The following ZC3H4 variants were observed in gnomAD, a reference collection of about 807,000 sequenced individuals.
ZC3H4 encodes zinc finger CCCH-type containing 4, also known as zinc finger CCCH domain-containing protein 4.
ZC3H4 carries 13 observed loss-of-function variants against 108.3 expected under a neutral mutation model. The ratio of observed to expected loss-of-function variants is 0.12; its 90% CI spans 0.08 to 0.19. The LOEUF is 0.19. Among genes scored for constraint, ZC3H4 ranks in the 10% least tolerant of loss-of-function variants. ZC3H4 has a pLI of 1.00. For synonymous variants in ZC3H4, 917 were observed against 749.6 expected, an observed-to-expected ratio of 1.22 and a Z score of -3.65; for missense variants, 1,734 against 1,838.8, an observed-to-expected ratio of 0.94 and a Z score of 1.04.
rs117346927 is a variant in ZC3H4, at chr19:47,080,760, G to A, written c.1440+753C>T. 7.3e-3 allele frequency among the ~76,000 whole-genome samples: 1,102 copies of A among 151,756 alleles called. 11 individuals are homozygous for A. Among genetic ancestry groups the A allele is most frequent in the Admixed American group, 0.013 (192 of 15,220 alleles). On this transcript the variant is annotated intron_variant, in intron 11 of 14. Coordinates refer to ENST00000253048, the MANE Select transcript of ZC3H4 (RefSeq NM_015168.2). ...GCTCACTGCAACCTCTGCCTCCTAA[G>A]TAGCTGGGACTACACGCATGTGCCA...
Position 47,094,088 on chromosome 19 carries a change from G to A in ZC3H4, c.382-8C>T. On this transcript the variant is annotated splice_region_variant and splice_polypyrimidine_tract_variant and intron_variant, in intron 3 of 14. Coordinates refer to ENST00000253048, the MANE Select transcript of ZC3H4 (RefSeq NM_015168.2). ...GCTAGAAGAAGCATGGCGCTGTAATGACAGGGGAAGGAGACTCAGCAACCT... is the reference window on the plus strand; with the variant it reads ...GCTAGAAGAAGCATGGCGCTGTAATAACAGGGGAAGGAGACTCAGCAACCT... 1.2e-6 allele frequency: 2 copies of A among 1,613,420 alleles called. No individual in the cohort carries two copies. Among genetic ancestry groups the A allele is most frequent in the Non-Finnish European group, 1.7e-6 (2 of 1,179,344 alleles).
At chr19:47,078,553 C>T (rs1024169374) in intron 11 of ZC3H4, among the ~76,000 whole-genome samples, 3 of 151,504 alleles carry the variant, frequency 2.0e-5, no homozygotes, top group East Asian at 2.0e-4. Context: ...GAGGCCGGGG[C>T]GGGTGGATCA....
At chr19:47,087,269 C>T (rs1255394482) in intron 5 of ZC3H4, among the ~76,000 whole-genome samples, 2 of 149,234 alleles carry the variant, frequency 1.3e-5, no homozygotes, top group African/African-American at 5.0e-5. Flanking sequence ...GAGTGAGACC[C>T]CGTCTCTCAC....
chr19:47,081,668 C>A (rs778363543), intron 10 of ZC3H4, 46 bp from the exon 11 acceptor site: 10 of 1,511,404 alleles, frequency 6.6e-6, no homozygotes, highest in African/African-American at 4.1e-5. Flanking sequence ...AGAACGCCCC[C>A]CTCCCCCACC....
rs763335751 is a variant in ZC3H4 at position 47,069,099 on chromosome 19, A to G, written c.2391T>C (p.Asn797=). 21 of 1,602,736 alleles carry G rather than the reference A, an allele frequency of 1.3e-5. No individual in the cohort carries two copies. Among genetic ancestry groups the G allele is most frequent in the Non-Finnish European group, 1.7e-5 (20 of 1,179,768 alleles). ...LAESSKQDRE[N]EEGDTGNWYS... is the part of the protein sequence containing the mutation. Reference sequence around the variant, plus strand: ...CCTGGGGCGGACACGTGCCTTCCTCATTCTCCCGGTCCTGCTTGCTGCTCT... The same window carrying G: ...CCTGGGGCGGACACGTGCCTTCCTCGTTCTCCCGGTCCTGCTTGCTGCTCT... Residue 797 remains asparagine, a synonymous_variant, in exon 14 of 15, where the codon AAT becomes AAC. Transcript: ENST00000253048.
At chr19:47,088,246 C>A (rs1222949599) in intron 5 of ZC3H4, among the ~76,000 whole-genome samples, 2 of 151,032 alleles carry the variant, frequency 1.3e-5, no homozygotes, top group Non-Finnish European at 3.0e-5. Context: ...GGGAGTAAGG[C>A]ACAAGAATTG....
rs1482304847 is a variant in ZC3H4 at position 47,067,430 on chromosome 19, C to T, written c.2838G>A (p.Gly946=). 1.2e-6 allele frequency: 2 copies of T among 1,603,608 alleles called. No homozygotes were observed. Among genetic ancestry groups the T allele is most frequent in the Admixed American group, 1.7e-5 (1 of 58,846 alleles). ...AVNIPLDPLP[G]HPLRDPRSQL... is the part of the protein sequence containing the mutation. ...GTGACCGTGGGTCCCGCAGAGGGTG[C>T]CCGGGGAGTGGGTCCAGGGGAATGT... The change falls in exon 15 of 15, where the codon GGG becomes GGA. Residue 946 remains glycine (G), a synonymous_variant. Transcript: ENST00000253048. This position sits in a 1 kb window ranked among gnomAD's most constrained non-coding sequence, Gnocchi z 6.4.
In ZC3H4 at chr19:47,066,345, C is replaced by A; in HGVS notation, c.*11G>T. The A allele has an allele frequency of 6.6e-7, 1 of 1,513,344 alleles. No individual in the cohort carries two copies. The highest frequency in any genetic ancestry group is 8.8e-7 in the Non-Finnish European group (1 of 1,131,118). 93.7% of individuals were successfully genotyped at this position (1,513,344 alleles called of 1,614,324 possible). ...AGGAAGGGTGGCTGGAGCCGCAGCT[C>A]TGGCTGGACACTACTGGCAAAAGGG... is the stretch of plus-strand genomic sequence containing the variant. On this transcript the variant is annotated 3_prime_UTR_variant, in exon 15 of 15. Coordinates refer to ENST00000253048, the MANE Select transcript of ZC3H4 (RefSeq NM_015168.2).
intron 5 of ZC3H4, among the ~76,000 whole-genome samples, chr19:47,089,678 C>T (rs557963951): frequency 5.4e-5 from 8 of 148,402 alleles, no homozygotes; most frequent in African/African-American, 1.9e-4. Flanking sequence ...TGACCATGGC[C>T]CAGGTGAAAG....
chr19:47,094,292 G>T, intron 3 of ZC3H4, 97 bp downstream of exon 3: 1 of 1,366,826 alleles, frequency 7.3e-7, no homozygotes, highest in Non-Finnish European at 1.0e-6. Context: ...AAGGCATTAA[G>T]AGTGCCCTCT....
At chr19:47,090,461 G>A (rs966714984) in intron 4 of ZC3H4, among the ~76,000 whole-genome samples, 2 of 152,188 alleles carry the variant, frequency 1.3e-5, no homozygotes, top group African/African-American at 4.8e-5. Flanking sequence ...GAACAAAGGG[G>A]AGAAGAAGGG....
rs780604586 is a variant in ZC3H4 at position 47,072,332 on chromosome 19, C to A, written c.1802+20G>T. 3 of 1,609,290 alleles carry A rather than the reference C, an allele frequency of 1.9e-6. No individual in the cohort carries two copies. The highest frequency in any genetic ancestry group is 2.5e-6 in the Non-Finnish European group (3 of 1,178,096). On this transcript the variant is annotated intron_variant, in intron 12 of 14. Coordinates refer to ENST00000253048, the MANE Select transcript of ZC3H4 (RefSeq NM_015168.2). The surrounding 1 kb of genome is among the most constrained non-coding windows in gnomAD (Gnocchi z 5.6). ...CCAGGACAGCGCCCACTGCCTGTCA[C>A]GGGGGTCCAGGGCACTCACCTCACA...
intron 11 of ZC3H4, among the ~76,000 whole-genome samples, chr19:47,077,515 A>G (rs1268761835): frequency 6.6e-6 from 1 of 151,620 alleles, no homozygotes; most frequent in Non-Finnish European, 1.5e-5. Context: ...AAAAACATAG[A>G]TAAAATGCTA....
At chr19:47,105,697 G>A (rs2057959789) in intron 2 of ZC3H4, among the ~76,000 whole-genome samples, 2 of 152,186 alleles carry the variant, frequency 1.3e-5, no homozygotes, top group Admixed American at 6.5e-5. Context: ...CCCTAGCCTG[G>A]ATGCAACGGC....
At chr19:47,110,298 G>T (rs541189562) in intron 2 of ZC3H4, among the ~76,000 whole-genome samples, 3 of 152,256 alleles carry the variant, frequency 2.0e-5, no homozygotes, top group African/African-American at 7.2e-5. Flanking sequence ...TGGACTTGAA[G>T]TATCCACTTT....
chr19:47,102,739 G>A (rs2057918927), intron 2 of ZC3H4, among the ~76,000 whole-genome samples: 1 of 150,950 alleles, frequency 6.6e-6, no homozygotes, highest in South Asian at 2.1e-4. Flanking sequence ...TAGAGAATAA[G>A]GGCTCATGGA....
At chr19:47,078,854 G>A (rs1034276110) in intron 11 of ZC3H4, among the ~76,000 whole-genome samples, 2 of 151,832 alleles carry the variant, frequency 1.3e-5, no homozygotes, top group South Asian at 2.1e-4. Context: ...GTGAAACTCC[G>A]TCTCAAAAAC....
Position 47,112,469 on chromosome 19 carries a change from G to A in ZC3H4, c.116C>T (p.Ala39Val). ...PPPCSPDARPATPHLLHHRLP... is the reference protein window; with the variant it reads ...PPPCSPDARPVTPHLLHHRLP... ...GCGGTGGTGGAGGAGGTGCGGGGTG[G>A]CCGGGCGGGCGTCGGGGGAACACGG... The change falls in exon 2 of 15, where the codon GCC becomes GTC. Residue 39 changes from alanine (A) to valine (V), a missense_variant. By Grantham distance (64) the Ala-to-Val change is moderately conservative. Around this residue, in one of 9 missense-constraint regions of ZC3H4, gnomAD observed 112 missense variants for 73.3 expected, o/e 1.53. Transcript: ENST00000253048. The A allele has an allele frequency of 2.5e-6, 3 of 1,199,282 alleles. No homozygotes were observed. The highest frequency in any genetic ancestry group is 3.2e-6 in the Non-Finnish European group (3 of 951,472). The allele number at this position is 1,199,282 out of a possible 1,614,324, so 74.3% of individuals were successfully genotyped here. A position where few individuals can be genotyped will look rare whatever the true frequency, so the allele number is the denominator to read the frequency against.
intron 5 of ZC3H4, among the ~76,000 whole-genome samples, 187 bp from the exon 6 acceptor site, chr19:47,086,725 A>G (rs1046934651): frequency 3.9e-5 from 6 of 151,968 alleles, no homozygotes; most frequent in East Asian, 1.9e-4. Context: ...GGTTCTCTCA[A>G]TGGGGGTCCC....
Sources: gnomAD v4.1 joint callset for allele counts (sites outside exome capture counted in the v4.1 genomes callset) on GRCh38, gnomAD v4.1.1 for gene constraint, gnomAD v4.1.1 regional missense constraint, Gnocchi (gnomAD v3.1) non-coding constraint, MANE v1.5 for transcripts, NCBI Gene and HGNC (gene_info 2026-07-23, HGNC 2026-07-21) for gene names.